ZNF704: variants seen among roughly 807,000 people sequenced by gnomAD.
The protein encoded by ZNF704 is zinc finger protein 704.
A neutral mutation model predicts 44.7 loss-of-function variants in ZNF704; 10 were observed. The ratio of observed to expected loss-of-function variants is 0.22; its 90% CI spans 0.14 to 0.38. ZNF704 has a LOEUF of 0.38. Among genes scored for constraint, ZNF704 ranks in the 10% least tolerant of loss-of-function variants. ZNF704 has a pLI of 1.00. For missense variants in ZNF704, 390 were observed against 545.5 expected, an observed-to-expected ratio of 0.71 and a Z score of 2.84; for synonymous variants, 211 against 207.6, an observed-to-expected ratio of 1.02 and a Z score of -0.14.
chr8:80,659,468 T>C (rs1001628943), intron 7 of ZNF704, 117 bp downstream of exon 7: 6 of 815,388 alleles, frequency 7.4e-6, no homozygotes, highest in South Asian at 1.5e-5. Context: ...TTAAGAAATA[T>C]AGTACTTCTG....
chr8:80,760,826 C>T (rs180949256), intron 2 of ZNF704, among the ~76,000 whole-genome samples: 2 of 152,044 alleles, frequency 1.3e-5, no homozygotes, highest in African/African-American at 4.8e-5. Context: ...ATAATCATGG[C>T]AGAAGGTGAA....
At chr8:80,766,707 T>C (rs184869269) in intron 2 of ZNF704, among the ~76,000 whole-genome samples, 3 of 152,244 alleles carry the variant, frequency 2.0e-5, no homozygotes, top group Admixed American at 2.0e-4. Context: ...CCAGTCTGAC[T>C]CTTATTTTTA....
chr8:80,776,181 G>T (rs563767280), intron 2 of ZNF704, among the ~76,000 whole-genome samples: 1 of 152,208 alleles, frequency 6.6e-6, no homozygotes, highest in African/African-American at 2.4e-5. Context: ...TTTGCCTATA[G>T]TTTTCACCCT....
chr8:80,861,254 T>C (rs767742739), intron 1 of ZNF704, among the ~76,000 whole-genome samples: 1 of 152,230 alleles, frequency 6.6e-6, no homozygotes, highest in Non-Finnish European at 1.5e-5. Context: ...CCCTTGAGCT[T>C]TGATGACCCC....
chr8:80,743,710 G>C (rs1806801272), intron 2 of ZNF704, among the ~76,000 whole-genome samples: 1 of 152,200 alleles, frequency 6.6e-6, no homozygotes. Context: ...TTAGAATCCT[G>C]ACTGTGCCTC....
At chr8:80,880,273 G>A in the ZNF704 span, among the ~76,000 whole-genome samples, 2 of 152,150 alleles carry the variant, frequency 1.3e-5, no homozygotes, top group African/African-American at 2.4e-5. Flanking sequence ...AATCATGAGC[G>A]GACACTTGTG....
At chr8:80,761,193 G>A (rs1187486686) in intron 2 of ZNF704, among the ~76,000 whole-genome samples, 1 of 152,164 alleles carries the variant, frequency 6.6e-6, no homozygotes, top group Non-Finnish European at 1.5e-5. Context: ...TGGAAGCAGA[G>A]AGCAGCTTCA....
chr8:80,811,489 T>A (rs1428727808), intron 2 of ZNF704, among the ~76,000 whole-genome samples: 1 of 152,072 alleles, frequency 6.6e-6, no homozygotes, highest in African/African-American at 2.4e-5. Context: ...GAAGATGAAA[T>A]AACTACCATC....
chr8:80,645,299 C>A, intron 7 of ZNF704: 1 of 872,362 alleles, frequency 1.1e-6, no homozygotes. Context: ...AACCTAGGAG[C>A]CAACGTGGTC....
intron 2 of ZNF704, among the ~76,000 whole-genome samples, chr8:80,699,779 CCT>C (rs1331186648): frequency 1.3e-5 from 2 of 152,092 alleles, no homozygotes; most frequent in African/African-American, 2.4e-5. Flanking sequence ...CCCTCCTGTC[CCT>C]CTTTCTCCCG....
At chr8:80,769,066 G>T (rs1399238261) in intron 2 of ZNF704, among the ~76,000 whole-genome samples, 5 of 152,080 alleles carry the variant, frequency 3.3e-5, no homozygotes, top group African/African-American at 4.8e-5. Context: ...ACTGGTATAT[G>T]ATTTTCTTTC....
At chr8:80,869,375 T>C (rs534626406) in intron 1 of ZNF704, among the ~76,000 whole-genome samples, 1 of 152,328 alleles carries the variant, frequency 6.6e-6, no homozygotes, top group South Asian at 2.1e-4. Flanking sequence ...CCTTCAGCTC[T>C]TACTTCAAAT....
chr8:80,881,216 T>C, the ZNF704 span, among the ~76,000 whole-genome samples: 1 of 152,346 alleles, frequency 6.6e-6, no homozygotes. Context: ...ACAGAGAGGA[T>C]ACTTATTACA....
At chr8:80,876,868 G>A (rs928957533), upstream of ZNF704, among the ~76,000 whole-genome samples, 1 of 152,150 alleles carries the variant, frequency 6.6e-6, no homozygotes, top group African/African-American at 2.4e-5. Flanking sequence ...TCAGTAACTA[G>A]CAAAATGTGC....
At chr8:80,728,762 CTGAATT>C (rs1240331961) in intron 2 of ZNF704, among the ~76,000 whole-genome samples, 1 of 152,134 alleles carries the variant, frequency 6.6e-6, no homozygotes, top group East Asian at 1.9e-4. Flanking sequence ...AAATCTGAAT[CTGAATT>C]GTGGCTCCTA....
chr8:80,675,102 G>A (rs1050275375), intron 4 of ZNF704, among the ~76,000 whole-genome samples: 2 of 152,202 alleles, frequency 1.3e-5, no homozygotes, highest in African/African-American at 4.8e-5. Flanking sequence ...GTAGGGGAGA[G>A]ACATAAATTA....
At chr8:80,787,935 A>C (rs1320528042) in intron 2 of ZNF704, among the ~76,000 whole-genome samples, 1 of 152,208 alleles carries the variant, frequency 6.6e-6, no homozygotes, top group Non-Finnish European at 1.5e-5. Flanking sequence ...AGAGGAGGAA[A>C]CAGTTTCTTT....
intron 6 of ZNF704, among the ~76,000 whole-genome samples, chr8:80,660,935 A>C (rs1818092748): frequency 6.6e-6 from 1 of 152,214 alleles, no homozygotes; most frequent in Non-Finnish European, 1.5e-5. Context: ...AACAAACAAA[A>C]TAGACAAATG....
chr8:80,839,970 C>A (rs1808648787), intron 1 of ZNF704, among the ~76,000 whole-genome samples: 1 of 152,216 alleles, frequency 6.6e-6, no homozygotes, highest in African/African-American at 2.4e-5. Context: ...CCATCTCTCT[C>A]CCCTAGTGCT....
Sources: gnomAD v4.1 joint callset for allele counts (sites outside exome capture counted in the v4.1 genomes callset) on GRCh38, gnomAD v4.1.1 for gene constraint, MANE v1.5 for transcripts, NCBI Gene and HGNC (gene_info 2026-07-23, HGNC 2026-07-21) for gene names.